Variants in IL1RAP observed in about 807,000 individuals in gnomAD.
IL1RAP encodes the protein interleukin-1 receptor accessory protein.
IL1RAP carries 35 observed loss-of-function variants against 60.7 expected under a neutral mutation model. That is an observed-to-expected ratio of 0.58 (90% CI 0.44 to 0.76). The LOEUF is 0.76. Among genes scored for constraint, IL1RAP ranks in the 30% least tolerant of loss-of-function variants. The probability of loss-of-function intolerance (pLI) is 0.00; values close to 1 mark genes in which losing one functional copy is unlikely to be tolerated. For missense variants in IL1RAP, 572 were observed against 693.9 expected (o/e 0.82, Z 1.97); for synonymous variants, 268 against 250.9 (o/e 1.07, Z -0.64).
intron 2 of IL1RAP, among the ~76,000 whole-genome samples, chr3:190,561,112 G>A (rs914064676): frequency 7.9e-5 from 12 of 152,250 alleles, no homozygotes; most frequent in Admixed American, 7.2e-4. Context: ...CTCTAATTTA[G>A]ACACTGAGAA....
At chr3:190,635,493 T>G (rs1733147748) in intron 9 of IL1RAP, among the ~76,000 whole-genome samples, 2 of 152,216 alleles carry the variant, frequency 1.3e-5, no homozygotes, top group African/African-American at 4.8e-5. Flanking sequence ...CTGAGCTATG[T>G]GTTTTCCTCA....
Position 190,622,165 on chromosome 3 carries a change from A to G in IL1RAP, c.704-1179A>G, listed in dbSNP as rs183895220. On this transcript the variant is annotated intron_variant, in intron 6 of 11. Transcript: ENST00000447382. Reference sequence around the variant, plus strand: ...AACAACTGACTAAGGCATGAAAGCAATTAGGTATTATGCAACATAAGACAT... The same window carrying G: ...AACAACTGACTAAGGCATGAAAGCAGTTAGGTATTATGCAACATAAGACAT... Among the ~76,000 whole-genome samples, 520 of 152,374 alleles carry G rather than the reference A, an allele frequency of 3.4e-3. 3 individuals carry two copies. The highest frequency in any genetic ancestry group is 0.017 in the South Asian group (80 of 4,830).
In IL1RAP at chr3:190,650,316, A is replaced by G. The variant is rs1734319301; in HGVS notation, c.*1611A>G. 1 of 985,150 alleles carries G rather than the reference A, an allele frequency of 1.0e-6. No individual in the cohort carries two copies. Among genetic ancestry groups the G allele is most frequent in the African/African-American group, 1.7e-5 (1 of 57,234 alleles). The allele number at this position is 985,150 out of a possible 1,614,324, so 61.0% of individuals were successfully genotyped here. On this transcript the variant is annotated 3_prime_UTR_variant, in exon 12 of 12. Coordinates refer to ENST00000447382, the MANE Select transcript of IL1RAP (RefSeq NM_002182.4). ...TATTGCTACAGTTTATCTAGGTTGC[A>G]GTGGCATCTGCTGTGCACAGAGCTT...
chr3:190,586,829 C>G (rs530196717), intron 3 of IL1RAP, among the ~76,000 whole-genome samples: 120 of 151,938 alleles, frequency 7.9e-4, no homozygotes, highest in African/African-American at 2.8e-3. Context: ...CCACTGGAAA[C>G]AGGACTATAT....
chr3:190,619,727 C>CA (rs113083710), intron 5 of IL1RAP, among the ~76,000 whole-genome samples: 24,945 of 129,422 alleles, frequency 0.19, 2,441 homozygotes, highest in African/African-American at 0.27. Context: ...GACCCTATCT[C>CA]AAAAAAAAAA....
intron 1 of IL1RAP, among the ~76,000 whole-genome samples, chr3:190,542,843 G>A (rs182253153): frequency 2.7e-5 from 4 of 150,782 alleles, no homozygotes; most frequent in Non-Finnish European, 4.4e-5. Flanking sequence ...ATGGCCATTC[G>A]AGTTATCCAC....
chr3:190,635,554 T>C (rs1733153582), intron 9 of IL1RAP, among the ~76,000 whole-genome samples: 2 of 152,194 alleles, frequency 1.3e-5, no homozygotes, highest in East Asian at 1.9e-4. Context: ...GAGTTTTTGT[T>C]ATTATTAAGT....
At position 190,648,508 on chromosome 3, in the gene IL1RAP, G is replaced by A; in HGVS notation, c.1516G>A (p.Val506Met). 4 of 1,614,072 alleles carry A rather than the reference G, an allele frequency of 2.5e-6. No homozygotes were observed. The highest frequency in any genetic ancestry group is 3.4e-6 in the Non-Finnish European group (4 of 1,180,002). The change falls in exon 12 of 12, where the codon GTG becomes ATG. Residue 506 changes from valine (V) to methionine (M), a missense_variant. Coordinates refer to ENST00000447382, the MANE Select transcript of IL1RAP (RefSeq NM_002182.4). ...INVILVQYKAVKETKVKELKR... is the reference protein window; with the variant it reads ...INVILVQYKAMKETKVKELKR... The stretch of plus-strand genomic sequence containing the variant: ...CGTCATTTTAGTACAGTACAAAGCT[G>A]TGAAGGAAACGAAGGTGAAAGAGCT...
rs534124841 is a variant in IL1RAP at position 190,620,504 on chromosome 3, A to T, written c.703+64A>T. On this transcript the variant is annotated intron_variant, in intron 6 of 11. Coordinates refer to ENST00000447382, the MANE Select transcript of IL1RAP (RefSeq NM_002182.4). ...TGATCATCTTGTTATGGTTTTTAAT[A>T]GTTTATTACACACTAGTATGTAAAT... 18 of 1,356,966 alleles carry T rather than the reference A, an allele frequency of 1.3e-5. No individual in the cohort carries two copies. In the South Asian group the frequency reaches 2.4e-4, roughly 18 times the overall value. 84.1% of individuals were successfully genotyped at this position (1,356,966 alleles called of 1,614,324 possible).
chr3:190,633,401 G>T (rs1732950745), intron 9 of IL1RAP, among the ~76,000 whole-genome samples: 1 of 152,066 alleles, frequency 6.6e-6, no homozygotes, highest in Admixed American at 6.5e-5. Flanking sequence ...CTGTCACTTA[G>T]GCTGCAGTGC....
intron 4 of IL1RAP, among the ~76,000 whole-genome samples, chr3:190,605,093 T>G (rs1730187975): frequency 6.6e-6 from 1 of 152,076 alleles, no homozygotes; most frequent in African/African-American, 2.4e-5. Flanking sequence ...TTCTCCCAAA[T>G]ATTATTTTGG....
chr3:190,634,672 A>G (rs748447813), intron 9 of IL1RAP, among the ~76,000 whole-genome samples: 3 of 151,882 alleles, frequency 2.0e-5, no homozygotes, highest in Non-Finnish European at 4.4e-5. Context: ...TTCTTGCTCA[A>G]AAGAATTACT....
At chr3:190,569,584 CT>C (rs3841957) in intron 3 of IL1RAP, among the ~76,000 whole-genome samples, 48,456 of 148,356 alleles carry the variant, frequency 0.33, 8,008 homozygotes, top group East Asian at 0.51. Context: ...GATCTCTTCA[CT>C]TTTTTTTTTT....
intron 3 of IL1RAP, among the ~76,000 whole-genome samples, chr3:190,580,001 A>G (rs373508987): frequency 6.6e-6 from 1 of 152,172 alleles, no homozygotes; most frequent in Admixed American, 6.5e-5. Flanking sequence ...TGTGATTTCC[A>G]AATTTTGACT....
chr3:190,658,730 C>T lies in IL1RAP; in HGVS notation c.*2123C>T, dbSNP rs925817754. The T allele has an allele frequency of 7.2e-5, 11 of 152,320 alleles. No individual in the cohort carries two copies. The South Asian group carries it at 8.3e-4, about 11-fold the overall frequency. The allele number at this position is 152,320 out of a possible 1,614,324, so 9.4% of individuals were successfully genotyped here. A position where few individuals can be genotyped will look rare whatever the true frequency, so the allele number is the denominator to read the frequency against. On this transcript the variant is annotated 3_prime_UTR_variant, in exon 12 of 12. Coordinates refer to the IL1RAP transcript ENST00000317757. ...GGGGAAAGAAAGAAAGCAGTTTCAT[C>T]TCACTACCCCTCTTGAAAATGTTCT...
At chr3:190,583,322 A>G (rs1309156057) in intron 3 of IL1RAP, among the ~76,000 whole-genome samples, 4 of 152,244 alleles carry the variant, frequency 2.6e-5, no homozygotes, top group Non-Finnish European at 5.9e-5. Context: ...AAAGGATATA[A>G]TAAATAGGTA....
intron 5 of IL1RAP, among the ~76,000 whole-genome samples, chr3:190,618,157 T>C (rs1419423262): frequency 6.6e-6 from 1 of 152,192 alleles, no homozygotes; most frequent in African/African-American, 2.4e-5. Context: ...GAAGAGACAC[T>C]ATCAGGTGAA....
chr3:190,580,278 T>A (rs911564349), intron 3 of IL1RAP, among the ~76,000 whole-genome samples: 4 of 152,242 alleles, frequency 2.6e-5, no homozygotes, highest in African/African-American at 9.6e-5. Flanking sequence ...CATGTTCAAC[T>A]GATTTCAGCT....
At chr3:190,536,899 TTA>T (rs1723515710) in intron 1 of IL1RAP, among the ~76,000 whole-genome samples, 1 of 152,096 alleles carries the variant, frequency 6.6e-6, no homozygotes, top group Admixed American at 6.6e-5. Flanking sequence ...AGAAAAACAG[TTA>T]TATGTGAAAA....
Sources: gnomAD v4.1 joint callset for allele counts (sites outside exome capture counted in the v4.1 genomes callset) on GRCh38, gnomAD v4.1.1 for gene constraint, MANE v1.5 for transcripts, NCBI Gene and HGNC (gene_info 2026-07-23, HGNC 2026-07-21) for gene names.